Variants in LRRC49 observed in about 807,000 individuals in gnomAD.
The protein encoded by LRRC49 is leucine-rich repeat-containing protein 49.
In LRRC49, 50 loss-of-function variants were observed where a neutral mutation model predicts 83.3. The observed-to-expected ratio is 0.60, with a 90% CI of 0.48 to 0.76. LRRC49 has a LOEUF of 0.76. Ranked by LOEUF, LRRC49 falls within the 30% of genes least tolerant of loss-of-function variation. LRRC49 has a pLI of 0.00. For missense variants in LRRC49, 704 were observed against 809.1 expected (o/e 0.87, Z 1.58); for synonymous variants, 286 against 283.3 (o/e 1.01, Z -0.10).
chr15:70,856,430 G>A (rs2032655202), intron 1 of LRRC49, among the ~76,000 whole-genome samples: 1 of 151,962 alleles, frequency 6.6e-6, no homozygotes, highest in African/African-American at 2.4e-5. Context: ...CCCAAGAATG[G>A]GTACTCTTAG....
intron 8 of LRRC49, among the ~76,000 whole-genome samples, chr15:70,962,833 G>A (rs1252190626): frequency 6.6e-6 from 1 of 152,110 alleles, no homozygotes; most frequent in Non-Finnish European, 1.5e-5. Context: ...TGTACATGGT[G>A]ACTTCCTTAC....
In LRRC49 at chr15:70,984,124, G is replaced by A. The variant is rs1438701162; in HGVS notation, c.1036G>A (p.Ala346Thr). ...EKKRLTINNVARQWDLQQQRV... is the reference protein window; with the variant it reads ...EKKRLTINNVTRQWDLQQQRV... ...GAAAAGGTTAACAATTAACAACGTA[G>A]CTCGACAGTGGGACTTGCAACAACA... The change falls in exon 11 of 16, where the codon GCT (alanine) becomes ACT (threonine). Residue 346 changes from alanine (A) to threonine (T), a missense_variant. Coordinates refer to ENST00000260382, the MANE Select transcript of LRRC49 (RefSeq NM_017691.5). 6.2e-7 allele frequency: 1 copy of A among 1,605,268 alleles called. No individual in the cohort carries two copies. The highest frequency in any genetic ancestry group is 1.7e-5 in the Admixed American group (1 of 58,568).
intron 14 of LRRC49, among the ~76,000 whole-genome samples, chr15:71,028,893 C>G (rs1468729740): frequency 6.6e-6 from 1 of 152,072 alleles, no homozygotes; most frequent in Non-Finnish European, 1.5e-5. Context: ...TTCAAAAAAC[C>G]AGCTCCTGGA....
intron 5 of LRRC49, among the ~76,000 whole-genome samples, chr15:70,910,748 C>T (rs917281554): frequency 7.2e-5 from 11 of 152,144 alleles, no homozygotes; most frequent in African/African-American, 2.7e-4. Flanking sequence ...ATTCATTAAA[C>T]TAATATTTAT....
At chr15:70,892,564 G>C, upstream of LRRC49, 1 of 1,490,880 alleles carries the variant, frequency 6.7e-7, no homozygotes, top group East Asian at 2.5e-5. Context: ...CCGTAAAGAG[G>C]AACGGACCGG....
chr15:70,855,916 G>A (rs898204451), intron 1 of LRRC49, among the ~76,000 whole-genome samples: 3 of 152,128 alleles, frequency 2.0e-5, no homozygotes, highest in Admixed American at 1.3e-4. Flanking sequence ...GGCTCAGAAG[G>A]AAAGAGCTGC....
At position 71,049,588 on chromosome 15, in the gene LRRC49, A is replaced by G; in HGVS notation, c.2037A>G (p.Leu679=). Residue 679 remains leucine (L), a synonymous_variant, in exon 16 of 16, where the codon CTA becomes CTG. Transcript: ENST00000260382. ...AAAATTCCTATATGAAGCTCTGCCT[A>G]CAGCAGATAACAGACCAAAAATAAA... ...RNKNSYMKLC[L]QQITDQK 2 of 1,601,000 alleles carry G rather than the reference A, an allele frequency of 1.2e-6. No individual in the cohort carries two copies. Among genetic ancestry groups the G allele is most frequent in the East Asian group, 2.2e-5 (1 of 44,842 alleles).
At chr15:70,861,315 G>C (rs1334871511) in intron 1 of LRRC49, among the ~76,000 whole-genome samples, 1 of 151,716 alleles carries the variant, frequency 6.6e-6, no homozygotes, top group East Asian at 1.9e-4. Context: ...GGCAAAAGCA[G>C]GCAAATTATG....
At chr15:70,960,991 G>A (rs1305067261) in intron 8 of LRRC49, among the ~76,000 whole-genome samples, 2 of 152,046 alleles carry the variant, frequency 1.3e-5, no homozygotes, top group South Asian at 4.1e-4. Context: ...AGAAGGAAAA[G>A]ACAAGCCACA....
At chr15:71,040,583 G>T (rs1163652755) in intron 15 of LRRC49, among the ~76,000 whole-genome samples, 1 of 152,104 alleles carries the variant, frequency 6.6e-6, no homozygotes, top group Non-Finnish European at 1.5e-5. Context: ...ACTTTGGGAG[G>T]CCAAGGCAGG....
chr15:70,983,901 T>C (rs961942674), intron 10 of LRRC49, among the ~76,000 whole-genome samples, 193 bp from the exon 11 acceptor site: 6 of 150,474 alleles, frequency 4.0e-5, no homozygotes, highest in Non-Finnish European at 7.4e-5. Context: ...TAGATAATTA[T>C]TGAGATTTTT....
In LRRC49 at chr15:71,049,603, C is replaced by T. The variant is rs753271126; in HGVS notation, c.2052C>T (p.Asp684=). The T allele has an allele frequency of 6.3e-7, 1 of 1,592,252 alleles. No homozygotes were observed. The highest frequency in any genetic ancestry group is 1.2e-5 in the South Asian group (1 of 86,154). The stretch of plus-strand genomic sequence containing the variant: ...AGCTCTGCCTACAGCAGATAACAGA[C>T]CAAAAATAAAAATGGCCTTTAGTTA... ...YMKLCLQQIT[D]QK The change falls in exon 16 of 16, where the codon GAC becomes GAT. Residue 684 remains aspartate, a synonymous_variant. Coordinates refer to ENST00000260382, the MANE Select transcript of LRRC49 (RefSeq NM_017691.5).
intron 5 of LRRC49, among the ~76,000 whole-genome samples, chr15:70,911,130 C>T (rs2034532114): frequency 6.6e-6 from 1 of 152,190 alleles, no homozygotes; most frequent in Admixed American, 6.5e-5. Context: ...GCAAGAATGC[C>T]TCTGTGGCTG....
chr15:70,891,466 C>G (rs2033559672), upstream of LRRC49, among the ~76,000 whole-genome samples: 1 of 152,130 alleles, frequency 6.6e-6, no homozygotes, highest in African/African-American at 2.4e-5. Flanking sequence ...AACACAGTTT[C>G]AAGCACTCCA....
intron 2 of LRRC49, chr15:70,873,306 G>A (rs2033089533): frequency 9.5e-6 from 13 of 1,370,732 alleles, no homozygotes; most frequent in Middle Eastern, 1.8e-4. Flanking sequence ...CATCATATAC[G>A]GTCAAAATAC....
chr15:70,936,574 G>A, intron 7 of LRRC49, 187 bp from the exon 8 acceptor site: 1 of 544,790 alleles, frequency 1.8e-6, no homozygotes, highest in Non-Finnish European at 3.3e-6. Flanking sequence ...TTGTTCTGCG[G>A]ATGTACTGAA....
chr15:70,948,549 ATTATTAT>A (rs2036096114), intron 8 of LRRC49, among the ~76,000 whole-genome samples: 1 of 130,724 alleles, frequency 7.6e-6, no homozygotes, highest in African/African-American at 2.9e-5. Flanking sequence ...ATCCTTTACT[ATTATTAT>A]TTATTTTGAT....
chr15:70,957,293 T>C (rs1319413872), intron 8 of LRRC49, among the ~76,000 whole-genome samples: 9 of 152,172 alleles, frequency 5.9e-5, no homozygotes, highest in Non-Finnish European at 1.2e-4. Flanking sequence ...AAATAGTAAA[T>C]AGCAATAAAA....
chr15:70,894,506 G>A, intron 2 of LRRC49: 3 of 553,012 alleles, frequency 5.4e-6, no homozygotes, highest in South Asian at 2.0e-5. Context: ...AGAATTTCTG[G>A]CTTTTGATTT....
Sources: gnomAD v4.1 joint callset for allele counts (sites outside exome capture counted in the v4.1 genomes callset) on GRCh38, gnomAD v4.1.1 for gene constraint, MANE v1.5 for transcripts, NCBI Gene and HGNC (gene_info 2026-07-23, HGNC 2026-07-21) for gene names.